The following PRKG1 variants were observed in gnomAD, a reference collection of about 807,000 sequenced individuals.
PRKG1 encodes the protein cGMP-dependent protein kinase 1.
In PRKG1, 35 loss-of-function variants were observed where a neutral mutation model predicts 88.1. The ratio of observed to expected loss-of-function variants is 0.40; its 90% CI spans 0.30 to 0.53. The LOEUF is 0.53. Among genes scored for constraint, PRKG1 ranks in the 20% least tolerant of loss-of-function variants. PRKG1 has a pLI of 0.59. For missense variants in PRKG1, 540 were observed against 839.8 expected (o/e 0.64, Z 4.41); for synonymous variants, 303 against 292.5 (o/e 1.04, Z -0.37).
intron 9 of PRKG1, among the ~76,000 whole-genome samples, chr10:52,216,477 G>A (rs991391994): frequency 8.5e-5 from 13 of 152,172 alleles, no homozygotes; most frequent in African/African-American, 3.1e-4. Flanking sequence ...TAATTGAATA[G>A]TCAGAGTTAG....
In PRKG1 at chr10:51,020,207, G is replaced by A. The variant is rs9888025; in HGVS notation, c.266+28563G>A. 9.0e-4 allele frequency among the ~76,000 whole-genome samples: 137 copies of A among 152,162 alleles called. 1 individual carries two copies. Among genetic ancestry groups the A allele is most frequent in the African/African-American group, 3.1e-3 (130 of 41,508 alleles). ...GATGGAGACAGGGTTTTGCCATGTT[G>A]CCGAGGCTAATCTTGAACTCCTGAG... On this transcript the variant is annotated intron_variant, in intron 1 of 17. Coordinates refer to the PRKG1 transcript ENST00000401604.
At chr10:51,749,006 T>G (rs967246951) in intron 3 of PRKG1, among the ~76,000 whole-genome samples, 1 of 152,224 alleles carries the variant, frequency 6.6e-6, no homozygotes, top group African/African-American at 2.4e-5. Context: ...TTGCTTAATC[T>G]ATATAGATAG....
chr10:51,583,554 T>C (rs1838096533), intron 3 of PRKG1, among the ~76,000 whole-genome samples: 1 of 151,706 alleles, frequency 6.6e-6, no homozygotes. Flanking sequence ...TCACAATGCA[T>C]TCCCTTTTCT....
At chr10:51,824,335 T>C (rs1839830073) in intron 4 of PRKG1, among the ~76,000 whole-genome samples, 1 of 152,208 alleles carries the variant, frequency 6.6e-6, no homozygotes, top group African/African-American at 2.4e-5. Flanking sequence ...TTAGATATAA[T>C]GTTCAACTAG....
chr10:52,078,579 A>G (rs974918841), intron 7 of PRKG1, among the ~76,000 whole-genome samples: 3 of 152,220 alleles, frequency 2.0e-5, no homozygotes, highest in African/African-American at 7.2e-5. Context: ...AGATTAAGCC[A>G]GCTGTCACAC....
At chr10:51,763,603 C>CAAAA (rs34657565) in intron 3 of PRKG1, among the ~76,000 whole-genome samples, 1 of 124,046 alleles carries the variant, frequency 8.1e-6, no homozygotes, top group African/African-American at 2.9e-5. Flanking sequence ...TGATCAAATG[C>CAAAA]AAAAAAAAAA....
chr10:51,501,023 T>A (rs934911430), intron 3 of PRKG1, among the ~76,000 whole-genome samples: 1 of 152,130 alleles, frequency 6.6e-6, no homozygotes, highest in Non-Finnish European at 1.5e-5. Context: ...GGTTCAAAAG[T>A]AATTGCACCA....
Position 52,192,933 on chromosome 10 carries a change from G to A in PRKG1, c.1076+30970G>A, listed in dbSNP as rs184755246. Among the ~76,000 whole-genome samples, 443 of 151,998 alleles carry A rather than the reference G, an allele frequency of 2.9e-3. 6 individuals are homozygous for A. Among genetic ancestry groups the A allele is most frequent in the South Asian group, 0.012 (59 of 4,818 alleles). ...AGGCAAAAGGCTTTACAATATCCATGTCACTCTACTTCTATTAATTTTCGT... is the reference window on the plus strand; with the variant it reads ...AGGCAAAAGGCTTTACAATATCCATATCACTCTACTTCTATTAATTTTCGT... On this transcript the variant is annotated intron_variant, in intron 9 of 17. Coordinates refer to ENST00000373980, the MANE Select transcript of PRKG1 (RefSeq NM_006258.4).
chr10:51,871,530 T>G (rs1456625014), intron 4 of PRKG1, among the ~76,000 whole-genome samples: 1 of 152,206 alleles, frequency 6.6e-6, no homozygotes, highest in Non-Finnish European at 1.5e-5. Flanking sequence ...CAGATAATAG[T>G]GGCTACTGTC....
intron 3 of PRKG1, among the ~76,000 whole-genome samples, chr10:51,555,145 C>A (rs758337437): frequency 6.6e-6 from 1 of 151,782 alleles, no homozygotes; most frequent in Non-Finnish European, 1.5e-5. Flanking sequence ...GGGGTTGTCA[C>A]GTTTTTCTTT....
At chr10:51,162,926 C>G (rs1363853276) in intron 2 of PRKG1, among the ~76,000 whole-genome samples, 5 of 152,062 alleles carry the variant, frequency 3.3e-5, no homozygotes. Flanking sequence ...ACTATGTTAC[C>G]CAGGCTGTTC....
intron 9 of PRKG1, among the ~76,000 whole-genome samples, chr10:52,232,460 T>C (rs1840549299): frequency 6.6e-6 from 1 of 152,224 alleles, no homozygotes; most frequent in South Asian, 2.1e-4. Context: ...GTATTATGTA[T>C]CTTAAGTGGT....
At chr10:51,053,707 G>C (rs140588911) in intron 1 of PRKG1, among the ~76,000 whole-genome samples, 2 of 151,768 alleles carry the variant, frequency 1.3e-5, no homozygotes, top group Non-Finnish European at 2.9e-5. Context: ...AAGATTAAAC[G>C]TAAGTAGTTT....
intron 2 of PRKG1, among the ~76,000 whole-genome samples, chr10:51,184,798 G>C (rs575832992): frequency 4.0e-5 from 6 of 151,856 alleles, no homozygotes; most frequent in African/African-American, 9.7e-5. Flanking sequence ...TTTTTTGAAC[G>C]TCAACAAGAA....
intron 3 of PRKG1, among the ~76,000 whole-genome samples, chr10:51,734,112 C>A (rs1326214898): frequency 6.6e-6 from 1 of 151,806 alleles, no homozygotes; most frequent in Non-Finnish European, 1.5e-5. Flanking sequence ...GCATCTTAAA[C>A]CAAACCTAAA....
At chr10:51,446,102 T>C (rs955813872) in intron 2 of PRKG1, among the ~76,000 whole-genome samples, 4 of 151,958 alleles carry the variant, frequency 2.6e-5, no homozygotes, top group African/African-American at 9.7e-5. Flanking sequence ...TTTTTTCTCA[T>C]TTAAGTAGTT....
intron 2 of PRKG1, among the ~76,000 whole-genome samples, chr10:51,406,976 A>G (rs1837937838): frequency 6.6e-6 from 1 of 152,206 alleles, no homozygotes; most frequent in Admixed American, 6.5e-5. Context: ...GTTTGAGGGC[A>G]GGAAGCATCC....
chr10:51,129,077 A>G lies in PRKG1; in HGVS notation c.312-24087A>G, dbSNP rs139098322. Among the ~76,000 whole-genome samples, 313 of 152,288 alleles carry G rather than the reference A, an allele frequency of 2.1e-3. 2 individuals are homozygous for G. The highest frequency in any genetic ancestry group is 7.3e-3 in the African/African-American group (303 of 41,554). ...ATCTAATGATGATGATGATATTGAC[A>G]TATTATGTTTGTAAGCACTTTGTCT... On this transcript the variant is annotated intron_variant, in intron 1 of 17. Coordinates refer to ENST00000373980, the MANE Select transcript of PRKG1 (RefSeq NM_006258.4).
chr10:52,254,785 C>T (rs932333577), intron 10 of PRKG1, among the ~76,000 whole-genome samples: 8 of 152,062 alleles, frequency 5.3e-5, no homozygotes, highest in Middle Eastern at 6.8e-3. Flanking sequence ...AATTTTTGGA[C>T]GTGAGTACAT....
Sources: allele counts gnomAD v4.1 joint callset (sites outside exome capture counted in the v4.1 genomes callset), GRCh38; gene constraint gnomAD v4.1.1; transcripts MANE v1.5; gene names NCBI Gene and HGNC (gene_info 2026-07-23, HGNC 2026-07-21).